ZBTB20: variants seen among roughly 807,000 people sequenced by gnomAD.
The protein encoded by ZBTB20 is zinc finger and BTB domain-containing protein 20.
ZBTB20 carries 9 observed loss-of-function variants against 56.9 expected under a neutral mutation model. That is an observed-to-expected ratio of 0.16 (90% CI 0.10 to 0.28). The LOEUF (loss-of-function observed/expected upper bound fraction) is 0.28. ZBTB20 is among the 10% of genes least tolerant of loss of function. The pLI is 1.00. For missense variants in ZBTB20, 655 were observed against 1,003.0 expected (o/e 0.65, Z 4.69); for synonymous variants, 417 against 420.7 (o/e 0.99, Z 0.11).
intron 6 of ZBTB20, among the ~76,000 whole-genome samples, chr3:114,651,550 TAAAAAA>T (rs57059379): frequency 0.06 from 5,476 of 91,434 alleles, 320 homozygotes; most frequent in African/African-American, 0.16. Flanking sequence ...GGTTGGATAG[TAAAAAA>T]AAAAAAAAAA....
chr3:115,139,101 G>A (rs2084737641), intron 1 of ZBTB20, among the ~76,000 whole-genome samples: 2 of 151,928 alleles, frequency 1.3e-5, no homozygotes, highest in South Asian at 4.1e-4. Flanking sequence ...AGCTAAAATA[G>A]CTTACCATCA....
chr3:114,459,260 C>T (rs543014522), intron 7 of ZBTB20, among the ~76,000 whole-genome samples: 5 of 152,196 alleles, frequency 3.3e-5, no homozygotes, highest in African/African-American at 4.8e-5. Flanking sequence ...TTTTTTGTAG[C>T]GCTCTGTAAA....
intron 5 of ZBTB20, among the ~76,000 whole-genome samples, chr3:114,728,287 T>C (rs1025475741): frequency 5.3e-5 from 8 of 152,204 alleles, no homozygotes; most frequent in African/African-American, 1.9e-4. Context: ...TGTTATTTGA[T>C]TGTCTCAAAA....
intron 2 of ZBTB20, among the ~76,000 whole-genome samples, chr3:115,050,635 C>T (rs958820168): frequency 6.6e-5 from 10 of 152,040 alleles, no homozygotes; most frequent in African/African-American, 2.4e-4. Context: ...TTTTATTTCA[C>T]TTTCTATAAT....
intron 1 of ZBTB20, among the ~76,000 whole-genome samples, chr3:115,134,926 A>G (rs561750275): frequency 6.6e-6 from 1 of 152,356 alleles, no homozygotes; most frequent in South Asian, 2.1e-4. Flanking sequence ...CTGTTGTCCT[A>G]TCTCTATTTC....
At chr3:114,763,580 T>C (rs1180587327) in intron 5 of ZBTB20, among the ~76,000 whole-genome samples, 3 of 152,118 alleles carry the variant, frequency 2.0e-5, no homozygotes, top group Non-Finnish European at 4.4e-5. Flanking sequence ...CAACCTTAAA[T>C]AGCATATATA....
intron 7 of ZBTB20, among the ~76,000 whole-genome samples, chr3:114,437,728 T>C (rs1470224018): frequency 2.6e-5 from 4 of 152,180 alleles, no homozygotes; most frequent in African/African-American, 9.6e-5. Flanking sequence ...TATATATTTC[T>C]TTTTCTTCTC....
intron 1 of ZBTB20, among the ~76,000 whole-genome samples, chr3:115,126,474 A>G (rs1370210735): frequency 1.3e-5 from 2 of 152,182 alleles, no homozygotes; most frequent in African/African-American, 4.8e-5. Context: ...TTGGTAGAAG[A>G]AAGGATAGAT....
intron 6 of ZBTB20, chr3:114,658,326 T>C (rs940519866): frequency 6.6e-6 from 1 of 152,122 alleles, no homozygotes; most frequent in African/African-American, 2.4e-5. Flanking sequence ...ATTTTTTAAG[T>C]CATTCTAAGA....
At chr3:115,084,748 G>C (rs950711271) in intron 1 of ZBTB20, among the ~76,000 whole-genome samples, 2 of 151,936 alleles carry the variant, frequency 1.3e-5, no homozygotes, top group African/African-American at 4.8e-5. Context: ...AGAATCCACT[G>C]ACATATGACC....
At chr3:114,952,230 C>A (rs1429396312) in intron 3 of ZBTB20, among the ~76,000 whole-genome samples, 1 of 152,004 alleles carries the variant, frequency 6.6e-6, no homozygotes, top group African/African-American at 2.4e-5. Context: ...GTAAGATAGA[C>A]TAATGTCATT....
At chr3:115,135,038 A>G (rs2084617403) in intron 1 of ZBTB20, among the ~76,000 whole-genome samples, 1 of 152,168 alleles carries the variant, frequency 6.6e-6, no homozygotes, top group Non-Finnish European at 1.5e-5. Flanking sequence ...ATAAATATTG[A>G]TCTCCTCCTA....
At chr3:114,664,807 A>T (rs562193679) in intron 6 of ZBTB20, among the ~76,000 whole-genome samples, 3 of 152,106 alleles carry the variant, frequency 2.0e-5, no homozygotes, top group Non-Finnish European at 4.4e-5. Flanking sequence ...GAAAATGGGC[A>T]GTGGTACATA....
chr3:115,130,593 G>A (rs774041235), intron 1 of ZBTB20, among the ~76,000 whole-genome samples: 1 of 152,144 alleles, frequency 6.6e-6, no homozygotes, highest in Admixed American at 6.5e-5. Flanking sequence ...AAGAACATCT[G>A]AAGATTTAAG....
At chr3:115,128,803 T>A (rs1435243530) in intron 1 of ZBTB20, among the ~76,000 whole-genome samples, 2 of 151,074 alleles carry the variant, frequency 1.3e-5, no homozygotes, top group African/African-American at 4.9e-5. Context: ...GTTGTTCCTT[T>A]TAAGATCTAC....
At chr3:114,901,911 C>G (rs975808599) in intron 3 of ZBTB20, among the ~76,000 whole-genome samples, 29 of 151,930 alleles carry the variant, frequency 1.9e-4, no homozygotes, top group African/African-American at 6.7e-4. Context: ...TTTTTACTTT[C>G]ATATATAGTT....
intron 1 of ZBTB20, among the ~76,000 whole-genome samples, chr3:115,127,478 C>A (rs773405906): frequency 4.1e-4 from 63 of 152,072 alleles, no homozygotes; most frequent in Non-Finnish European, 7.8e-4. Flanking sequence ...TAATCCATCC[C>A]AGCTACTGGG....
chr3:114,950,794 AAAT>A (rs1011775418), intron 3 of ZBTB20, among the ~76,000 whole-genome samples: 1 of 152,152 alleles, frequency 6.6e-6, no homozygotes, highest in Non-Finnish European at 1.5e-5. Context: ...GAAGAGCTGA[AAAT>A]AATAATAATA....
chr3:114,785,828 G>T (rs2070441798), intron 5 of ZBTB20, among the ~76,000 whole-genome samples: 1 of 152,070 alleles, frequency 6.6e-6, no homozygotes, highest in South Asian at 2.1e-4. Flanking sequence ...TTTAATGGAT[G>T]CAAGTCAGTA....
Sources: gnomAD v4.1 joint callset for allele counts (sites outside exome capture counted in the v4.1 genomes callset) on GRCh38, gnomAD v4.1.1 for gene constraint, MANE v1.5 for transcripts, NCBI Gene and HGNC (gene_info 2026-07-23, HGNC 2026-07-21) for gene names.